The following MGAT4D variants were observed in gnomAD, a reference collection of about 807,000 sequenced individuals.
The protein encoded by MGAT4D is MGAT4 family member D, also known as alpha-1,3-mannosyl-glycoprotein 4-beta-N-acetylglucosaminyltransferase-like protein MGAT4D.
MGAT4D carries 34 observed loss-of-function variants against 15.9 expected under a neutral mutation model. The ratio of observed to expected loss-of-function variants is 2.14; its 90% CI spans 1.62 to 2.84. The LOEUF is 2.84. Ranked by LOEUF, MGAT4D falls within the 30% of genes most tolerant of loss-of-function variation. The probability of loss-of-function intolerance (pLI) is 0.00; values close to 1 mark genes in which losing one functional copy is unlikely to be tolerated. For synonymous variants in MGAT4D, 112 were observed against 48.2 expected (o/e 2.33, Z -5.49); for missense variants, 327 against 140.2 (o/e 2.33, Z -6.73).
intron 1 of MGAT4D, among the ~76,000 whole-genome samples, chr4:140,494,571 A>G (rs1733714059): frequency 1.3e-5 from 2 of 152,170 alleles, no homozygotes; most frequent in Non-Finnish European, 2.9e-5. Context: ...CTGCCTATTC[A>G]ACACTTTCAC....
chr4:140,445,316 CATGT>C (rs1286866600), intron 10 of MGAT4D, among the ~76,000 whole-genome samples: 1 of 152,104 alleles, frequency 6.6e-6, no homozygotes, highest in Non-Finnish European at 1.5e-5. Context: ...TTCTTGGCTG[CATGT>C]ATGTCTTCTT....
At chr4:140,444,503 A>T (rs1201201718) in intron 10 of MGAT4D, among the ~76,000 whole-genome samples, 1 of 152,202 alleles carries the variant, frequency 6.6e-6, no homozygotes, top group East Asian at 1.9e-4. Flanking sequence ...TAGTTTACTA[A>T]CAATCATGGC....
chr4:140,466,956 T>A (rs1731576485), intron 5 of MGAT4D, among the ~76,000 whole-genome samples: 1 of 152,076 alleles, frequency 6.6e-6, no homozygotes. Flanking sequence ...ACTTCCTAAC[T>A]TCAAGGAAGT....
At chr4:140,462,264 A>G (rs1341122879) in intron 6 of MGAT4D, among the ~76,000 whole-genome samples, 3 of 152,120 alleles carry the variant, frequency 2.0e-5, no homozygotes, top group South Asian at 2.1e-4. Flanking sequence ...TTCTATCTAG[A>G]TAAGTTTTGA....
intron 6 of MGAT4D, 108 bp from the exon 7 acceptor site, chr4:140,462,112 T>G: frequency 1.9e-6 from 1 of 536,014 alleles, no homozygotes; most frequent in Non-Finnish European, 3.3e-6. Context: ...CAGTACTAGC[T>G]ACAATTAAGT....
intron 3 of MGAT4D, among the ~76,000 whole-genome samples, chr4:140,478,239 C>T (rs1732469076): frequency 6.6e-6 from 1 of 152,150 alleles, no homozygotes; most frequent in African/African-American, 2.4e-5. Flanking sequence ...CCTCCAACCC[C>T]CTACACAAGG....
intron 9 of MGAT4D, among the ~76,000 whole-genome samples, chr4:140,455,427 A>C (rs954351776): frequency 5.3e-5 from 8 of 152,262 alleles, no homozygotes; most frequent in Non-Finnish European, 1.0e-4. Context: ...GTACAAGAAC[A>C]TACATTAAAA....
At chr4:140,476,634 T>A (rs1415591716) in intron 3 of MGAT4D, among the ~76,000 whole-genome samples, 3 of 152,182 alleles carry the variant, frequency 2.0e-5, no homozygotes, top group African/African-American at 7.2e-5. Flanking sequence ...GGTACTGATC[T>A]ATCCCTTTTT....
At chr4:140,485,102 G>A (rs549775424) in intron 1 of MGAT4D, among the ~76,000 whole-genome samples, 135 of 152,218 alleles carry the variant, frequency 8.9e-4, no homozygotes, top group African/African-American at 3.1e-3. Context: ...ACATGCACAC[G>A]TATGTTTACT....
chr4:140,494,997 G>C (rs1733745686), intron 1 of MGAT4D, among the ~76,000 whole-genome samples: 1 of 152,082 alleles, frequency 6.6e-6, no homozygotes, highest in Non-Finnish European at 1.5e-5. Context: ...AAATGTATGT[G>C]TGAGATCATG....
intron 1 of MGAT4D, among the ~76,000 whole-genome samples, chr4:140,487,870 A>G (rs1451216558): frequency 2.0e-5 from 3 of 152,222 alleles, no homozygotes; most frequent in Non-Finnish European, 2.9e-5. Context: ...ACTGGATGGC[A>G]TAAGTCTCCG....
chr4:140,489,228 T>G (rs759389980), intron 1 of MGAT4D, among the ~76,000 whole-genome samples: 2 of 152,124 alleles, frequency 1.3e-5, no homozygotes, highest in Non-Finnish European at 2.9e-5. Flanking sequence ...AGGTAATTAC[T>G]AGAAGATGAA....
chr4:140,485,431 T>C (rs762807058), intron 1 of MGAT4D, among the ~76,000 whole-genome samples: 8 of 151,852 alleles, frequency 5.3e-5, no homozygotes, highest in Non-Finnish European at 1.2e-4. Flanking sequence ...GGGATAGCAT[T>C]AGGAGATATA....
At chr4:140,493,707 T>C (rs1466189798) in intron 1 of MGAT4D, among the ~76,000 whole-genome samples, 1 of 152,222 alleles carries the variant, frequency 6.6e-6, no homozygotes, top group African/African-American at 2.4e-5. Context: ...CTGTTGACAC[T>C]CTGTCTTTAT....
intron 3 of MGAT4D, among the ~76,000 whole-genome samples, chr4:140,478,975 T>C (rs1732520467): frequency 6.6e-6 from 1 of 152,146 alleles, no homozygotes; most frequent in Non-Finnish European, 1.5e-5. Context: ...CTCACTGGAA[T>C]GAGTGAGGTT....
chr4:140,456,353 CA>C (rs776665501), intron 9 of MGAT4D, among the ~76,000 whole-genome samples: 29 of 151,908 alleles, frequency 1.9e-4, no homozygotes, highest in Non-Finnish European at 3.7e-4. Flanking sequence ...TTACGTCTAT[CA>C]TTTTTTTTTC....
chr4:140,461,639 G>C (rs920104988), intron 7 of MGAT4D, among the ~76,000 whole-genome samples: 7 of 151,812 alleles, frequency 4.6e-5, no homozygotes, highest in African/African-American at 1.7e-4. Context: ...GTTTTTTTGA[G>C]ATTTTCTTTT....
chr4:140,487,716 C>A (rs1348916452), intron 1 of MGAT4D, among the ~76,000 whole-genome samples: 1 of 152,104 alleles, frequency 6.6e-6, no homozygotes, highest in Non-Finnish European at 1.5e-5. Context: ...CAAAACAGTA[C>A]AGTTTTGCTT....
At chr4:140,489,373 T>C (rs1485790711) in intron 1 of MGAT4D, among the ~76,000 whole-genome samples, 1 of 152,116 alleles carries the variant, frequency 6.6e-6, no homozygotes, top group African/African-American at 2.4e-5. Flanking sequence ...GCAGAATATA[T>C]TAGACATTAC....
Sources: allele counts gnomAD v4.1 joint callset (sites outside exome capture counted in the v4.1 genomes callset), GRCh38; gene constraint gnomAD v4.1.1; transcripts MANE v1.5; gene names NCBI Gene and HGNC (gene_info 2026-07-23, HGNC 2026-07-21).